Variants in FGF13 observed in about 807,000 individuals in gnomAD.
The protein encoded by FGF13 is fibroblast growth factor homologous factor 2.
FGF13 carries 2 observed loss-of-function variants against 19.5 expected under a neutral mutation model. The ratio of observed to expected loss-of-function variants is 0.10; its 90% CI spans 0.04 to 0.32. The LOEUF (loss-of-function observed/expected upper bound fraction) is 0.32. Among genes scored for constraint, FGF13 ranks in the 10% least tolerant of loss-of-function variants. The probability of loss-of-function intolerance (pLI) is 1.00; values close to 1 mark genes in which losing one functional copy is unlikely to be tolerated. For missense variants in FGF13, 113 were observed against 192.7 expected (o/e 0.59, Z 2.45); for synonymous variants, 72 against 76.9 (o/e 0.94, Z 0.33).
chrX:139,031,688 T>C (rs777149477), intron 1 of FGF13, among the ~76,000 whole-genome samples: 1 of 107,357 alleles, frequency 9.3e-6, no homozygotes, highest in African/African-American at 3.4e-5. Flanking sequence ...AATTCCAATA[T>C]TGGGCAGTTC....
intron 1 of FGF13, among the ~76,000 whole-genome samples, chrX:138,995,640 C>T (rs1007834190): frequency 4.4e-5 from 5 of 112,430 alleles, no homozygotes; most frequent in Admixed American, 9.4e-5. Flanking sequence ...AAGACATGAT[C>T]GCATTTTTTA....
At chrX:139,144,578 T>C (rs886791245) in intron 1 of FGF13, among the ~76,000 whole-genome samples, 2 of 111,500 alleles carry the variant, frequency 1.8e-5, no homozygotes, top group African/African-American at 6.5e-5. Context: ...CCCCCATCCT[T>C]ATACTGCCAA....
intron 1 of FGF13, among the ~76,000 whole-genome samples, chrX:138,982,905 T>C (rs1349253492): frequency 8.9e-6 from 1 of 112,598 alleles, no homozygotes; most frequent in African/African-American, 3.2e-5. Flanking sequence ...GCCATTCGTA[T>C]GTCTTTTTCT....
intron 1 of FGF13, among the ~76,000 whole-genome samples, chrX:139,154,297 A>AT (rs1363936518): frequency 1.8e-5 from 2 of 111,339 alleles, no homozygotes; most frequent in Non-Finnish European, 3.8e-5. Context: ...GAGAGTCGCC[A>AT]TGAGTTTTTT....
intron 1 of FGF13, among the ~76,000 whole-genome samples, chrX:139,115,379 A>G (rs1373796571): frequency 8.9e-6 from 1 of 112,266 alleles, no homozygotes; most frequent in Non-Finnish European, 1.9e-5. Context: ...AAAGACAATC[A>G]CTAGGTGAGG....
intron 3 of FGF13, among the ~76,000 whole-genome samples, chrX:138,645,186 C>A (rs2089292869): frequency 8.9e-6 from 1 of 112,262 alleles, no homozygotes; most frequent in African/African-American, 3.2e-5. Context: ...AGGCACCTCT[C>A]AGTAATTACT....
rs749878760 is a variant in FGF13 at position 138,796,402 on chromosome X, AT to A, written c.217+61109del. On this transcript the variant is annotated intron_variant, in intron 3 of 6. Transcript: ENST00000436198. ...ATGTCCCTGCAAAGCACATGAACTC[AT>A]TCTTTTTTTATGGCTTCATAGTATT... 1.5e-4 allele frequency among the ~76,000 whole-genome samples: 17 copies of A among 112,002 alleles called. No homozygotes were observed. The South Asian group carries it at 6.4e-3, about 42-fold the overall frequency.
chrX:139,011,167 T>A (rs947558123), intron 1 of FGF13, among the ~76,000 whole-genome samples: 8 of 110,548 alleles, frequency 7.2e-5, no homozygotes, highest in Non-Finnish European at 1.5e-4. Flanking sequence ...AATTTAAAAA[T>A]TGTCAGCAAA....
intron 1 of FGF13, among the ~76,000 whole-genome samples, chrX:139,152,314 T>TAA (rs59165472): frequency 1.3e-5 from 1 of 75,113 alleles, no homozygotes; most frequent in Non-Finnish European, 2.8e-5. Context: ...GTGATTAAGT[T>TAA]AAAAAAAAAA....
chrX:138,653,977 G>T (rs1569355259), intron 3 of FGF13, among the ~76,000 whole-genome samples: 1 of 111,860 alleles, frequency 8.9e-6, no homozygotes, highest in African/African-American at 3.3e-5. Flanking sequence ...GTACACTCTT[G>T]TTCTTCACTT....
At chrX:139,187,432 G>A (rs914069896) in intron 1 of FGF13, among the ~76,000 whole-genome samples, 4 of 112,142 alleles carry the variant, frequency 3.6e-5, no homozygotes, top group Non-Finnish European at 7.5e-5. Flanking sequence ...CCACTTTCTG[G>A]AATAGTTGTG....
intron 1 of FGF13, among the ~76,000 whole-genome samples, chrX:139,038,995 A>T (rs2092259806): frequency 1.8e-5 from 2 of 112,357 alleles, no homozygotes. Flanking sequence ...TTTTACAGAA[A>T]GGGAAGCCCA....
chrX:138,826,879 C>T (rs1163534377), intron 3 of FGF13, among the ~76,000 whole-genome samples: 1 of 112,211 alleles, frequency 8.9e-6, no homozygotes, highest in Non-Finnish European at 1.9e-5. Flanking sequence ...CCTTAAGTAA[C>T]TTTTATTCCA....
chrX:138,851,017 G>A (rs2091218234), intron 3 of FGF13, among the ~76,000 whole-genome samples: 1 of 111,606 alleles, frequency 9.0e-6, no homozygotes, highest in African/African-American at 3.3e-5. Context: ...GTGTTAGTTT[G>A]CTGAGGATAA....
At chrX:139,168,576 T>C (rs1944676510) in intron 1 of FGF13, among the ~76,000 whole-genome samples, 1 of 111,881 alleles carries the variant, frequency 8.9e-6, no homozygotes, top group African/African-American at 3.2e-5. Flanking sequence ...TCTTTACAGA[T>C]AGCTACAAAT....
chrX:139,088,816 A>C (rs978859933), intron 1 of FGF13, among the ~76,000 whole-genome samples: 3 of 111,820 alleles, frequency 2.7e-5, no homozygotes, highest in Non-Finnish European at 3.8e-5. Flanking sequence ...CTAGCCTCGA[A>C]GTTCATGGCT....
chrX:138,751,827 C>T (rs908594359), intron 3 of FGF13, among the ~76,000 whole-genome samples: 8 of 111,516 alleles, frequency 7.2e-5, no homozygotes, highest in African/African-American at 2.3e-4. Flanking sequence ...CATGTTTTTC[C>T]ATTGTTATCA....
chrX:138,809,361 T>C (rs1274575052), intron 3 of FGF13, among the ~76,000 whole-genome samples: 1 of 111,846 alleles, frequency 8.9e-6, no homozygotes, highest in African/African-American at 3.2e-5. Context: ...ATTATCTCAA[T>C]AGATGCAGAA....
chrX:139,166,209 G>A (rs755984392), intron 1 of FGF13, among the ~76,000 whole-genome samples: 2 of 111,945 alleles, frequency 1.8e-5, no homozygotes, highest in East Asian at 2.8e-4. Context: ...GACCCACTGG[G>A]AGGTAATTGA....
Sources: allele counts gnomAD v4.1 joint callset (sites outside exome capture counted in the v4.1 genomes callset), GRCh38; gene constraint gnomAD v4.1.1; transcripts MANE v1.5; gene names NCBI Gene and HGNC (gene_info 2026-07-23, HGNC 2026-07-21).